Variants in ENTREP2 observed in about 807,000 individuals in gnomAD.
The protein encoded by ENTREP2 is protein ENTREP2.
the ENTREP2 span, among the ~76,000 whole-genome samples, chr15:29,191,199 G>T: frequency 6.6e-6 from 1 of 152,118 alleles, no homozygotes; most frequent in Admixed American, 6.6e-5. Context: ...GAGAAAACTA[G>T]ATAATGTGGC....
the ENTREP2 span, among the ~76,000 whole-genome samples, chr15:29,256,043 T>C: frequency 0.61 from 91,727 of 149,616 alleles, 28,215 homozygotes; most frequent in African/African-American, 0.65. Context: ...TTCTTTGTAG[T>C]AACATGGATG....
chr15:29,614,682 G>C, the ENTREP2 span, among the ~76,000 whole-genome samples: 1 of 152,102 alleles, frequency 6.6e-6, no homozygotes, highest in Non-Finnish European at 1.5e-5. Flanking sequence ...AACCAACCGG[G>C]TGCTGAAAAC....
At chr15:29,389,190 C>T in the ENTREP2 span, among the ~76,000 whole-genome samples, 1 of 151,820 alleles carries the variant, frequency 6.6e-6, no homozygotes, top group African/African-American at 2.4e-5. Flanking sequence ...AGGAAGGAGC[C>T]CTCACCAGAA....
the ENTREP2 span, chr15:29,268,720 T>G: frequency 6.7e-7 from 1 of 1,487,556 alleles, no homozygotes; most frequent in East Asian, 2.3e-5. Context: ...TCGTTCTCCC[T>G]TCCCCCAATC....
the ENTREP2 span, among the ~76,000 whole-genome samples, chr15:29,290,845 G>A: frequency 6.6e-6 from 1 of 152,172 alleles, no homozygotes; most frequent in Non-Finnish European, 1.5e-5. Context: ...CAGCACTGTG[G>A]GAGCCAAAGG....
At chr15:29,293,337 A>T in the ENTREP2 span, among the ~76,000 whole-genome samples, 1 of 150,628 alleles carries the variant, frequency 6.6e-6, no homozygotes, top group East Asian at 2.0e-4. Flanking sequence ...TGCAAGCTCC[A>T]CCTCCTGGGT....
At chr15:29,165,339 G>A in the ENTREP2 span, among the ~76,000 whole-genome samples, 5,657 of 152,014 alleles carry the variant, frequency 0.037, 322 homozygotes, top group African/African-American at 0.13. Flanking sequence ...AGAACTAAAT[G>A]AAATTGAAAC....
chr15:29,420,834 A>T, the ENTREP2 span, among the ~76,000 whole-genome samples: 1 of 152,164 alleles, frequency 6.6e-6, no homozygotes, highest in Non-Finnish European at 1.5e-5. Flanking sequence ...TGTGCTGTGG[A>T]CTGACCAGCC....
the ENTREP2 span, among the ~76,000 whole-genome samples, chr15:29,200,675 C>T: frequency 6.6e-6 from 1 of 152,004 alleles, no homozygotes; most frequent in Non-Finnish European, 1.5e-5. Flanking sequence ...TCTCCTGCCT[C>T]AGCCTCCTGA....
At chr15:29,445,212 G>C in the ENTREP2 span, among the ~76,000 whole-genome samples, 1 of 152,202 alleles carries the variant, frequency 6.6e-6, no homozygotes, top group East Asian at 1.9e-4. Context: ...GGATTTACAA[G>C]AAGAAATATA....
chr15:29,123,342 T>C, the ENTREP2 span: 3 of 1,527,032 alleles, frequency 2.0e-6, no homozygotes, highest in African/African-American at 1.4e-5. Flanking sequence ...GGCTCCTTCA[T>C]ACCTGGTCCA....
At chr15:29,124,040 T>A in the ENTREP2 span, among the ~76,000 whole-genome samples, 1 of 152,070 alleles carries the variant, frequency 6.6e-6, no homozygotes, top group East Asian at 1.9e-4. Flanking sequence ...AGAGACAGGG[T>A]CTGCCTTAAG....
the ENTREP2 span, among the ~76,000 whole-genome samples, chr15:29,397,453 A>G: frequency 6.6e-6 from 1 of 152,210 alleles, no homozygotes; most frequent in Non-Finnish European, 1.5e-5. Flanking sequence ...AATAAAATGC[A>G]AAGTGGAATA....
chr15:29,347,494 T>C, the ENTREP2 span, among the ~76,000 whole-genome samples: 1 of 152,230 alleles, frequency 6.6e-6, no homozygotes, highest in South Asian at 2.1e-4. Context: ...TTTTTAAATT[T>C]TTCATCTCTT....
the ENTREP2 span, among the ~76,000 whole-genome samples, chr15:29,392,701 A>AT: frequency 6.6e-6 from 1 of 152,000 alleles, no homozygotes; most frequent in South Asian, 2.1e-4. Flanking sequence ...GTGAATTTAT[A>AT]TTTTTCATTC....
chr15:29,480,222 C>A, the ENTREP2 span, among the ~76,000 whole-genome samples: 1 of 150,794 alleles, frequency 6.6e-6, no homozygotes, highest in Non-Finnish European at 1.5e-5. Context: ...CTGAATATAT[C>A]TAAGCCTCAA....
chr15:29,480,473 G>T, the ENTREP2 span, among the ~76,000 whole-genome samples: 2 of 151,872 alleles, frequency 1.3e-5, no homozygotes, highest in South Asian at 4.2e-4. Flanking sequence ...TCCCTGCGTG[G>T]ACAGCACCCT....
the ENTREP2 span, among the ~76,000 whole-genome samples, chr15:29,367,257 G>A: frequency 6.6e-6 from 1 of 152,170 alleles, no homozygotes; most frequent in African/African-American, 2.4e-5. Context: ...GTGCAGCCTG[G>A]AAGCCACTTG....
At chr15:29,513,308 C>G in the ENTREP2 span, among the ~76,000 whole-genome samples, 69,206 of 152,024 alleles carry the variant, frequency 0.46, 16,155 homozygotes, top group African/African-American at 0.55. Flanking sequence ...AAACACAACA[C>G]AACACTTTGT....
Sources: gnomAD v4.1 joint callset for allele counts (sites outside exome capture counted in the v4.1 genomes callset) on GRCh38, gnomAD v4.1.1 for gene constraint, MANE v1.5 for transcripts, NCBI Gene and HGNC (gene_info 2026-07-23, HGNC 2026-07-21) for gene names.